VWA2: variants seen among roughly 807,000 people sequenced by gnomAD.
VWA2 encodes von Willebrand factor A domain-containing protein 2.
Under a neutral mutation model 70.4 loss-of-function variants are expected in VWA2, and 73 were observed. The ratio of observed to expected loss-of-function variants is 1.04; its 90% CI spans 0.86 to 1.26. The LOEUF (loss-of-function observed/expected upper bound fraction) is 1.26. Ranked by LOEUF, VWA2 falls within the 50% of genes most tolerant of loss-of-function variation. The pLI is 0.00. For synonymous variants in VWA2, 407 were observed against 423.3 expected, an observed-to-expected ratio of 0.96 and a Z score of 0.47; for missense variants, 1,011 against 998.5, an observed-to-expected ratio of 1.01 and a Z score of -0.17.
chr10:114,278,408 G>A (rs75665088), intron 7 of VWA2, among the ~76,000 whole-genome samples: 4,486 of 152,278 alleles, frequency 0.029, 88 homozygotes, highest in South Asian at 0.14. Context: ...CATTCTAGTC[G>A]TCCTTGTCAG....
chr10:114,274,108 C>A (rs1169871673), intron 6 of VWA2, among the ~76,000 whole-genome samples: 3 of 151,870 alleles, frequency 2.0e-5, no homozygotes, highest in Non-Finnish European at 2.9e-5. Flanking sequence ...GGTAGGCTGG[C>A]GAGTTATAGG....
intron 2 of VWA2, among the ~76,000 whole-genome samples, chr10:114,251,861 G>C (rs1408670230): frequency 7.4e-6 from 1 of 134,972 alleles, no homozygotes; most frequent in Non-Finnish European, 1.5e-5. Context: ...TCTCCCTCTC[G>C]CCCAGGCTGG....
At chr10:114,274,311 A>T (rs1564726392) in intron 6 of VWA2, among the ~76,000 whole-genome samples, 1 of 152,184 alleles carries the variant, frequency 6.6e-6, no homozygotes, top group Non-Finnish European at 1.5e-5. Flanking sequence ...TCTTCAGAGA[A>T]TCACATTGGC....
chr10:114,280,653 G>A (rs2133396195), intron 8 of VWA2: 1 of 152,304 alleles, frequency 6.6e-6, no homozygotes, highest in African/African-American at 2.4e-5. Context: ...TTCTGGGCTA[G>A]GACTTGTGGC....
At position 114,278,720 on chromosome 10, in the gene VWA2, C is replaced by T. The variant is rs768481637; in HGVS notation, c.702C>T (p.Asp234=). The part of the protein sequence containing the change: ...SSAICSSATP[D]CRVEAHPCEH... ...TGTGGGTGTGTGTTGTGGACACAGA[C>T]TGCAGGGTCGAGGCTCACCCCTGTG... Residue 234 remains aspartate (D), a splice_region_variant and synonymous_variant, in exon 8 of 14, where the codon GAC becomes GAT. Coordinates refer to ENST00000392982, the MANE Select transcript of VWA2 (RefSeq NM_001272046.2). 6.2e-7 allele frequency: 1 copy of T among 1,613,976 alleles called. No homozygotes were observed. The highest frequency in any genetic ancestry group is 8.5e-7 in the Non-Finnish European group (1 of 1,180,002).
At chr10:114,266,588 A>G (rs1053294701) in intron 5 of VWA2, among the ~76,000 whole-genome samples, 1 of 152,186 alleles carries the variant, frequency 6.6e-6, no homozygotes. Context: ...AGAAGTTTAA[A>G]AAACATTGCA....
At chr10:114,284,416 C>A (rs1244799755) in intron 9 of VWA2, among the ~76,000 whole-genome samples, 1 of 152,156 alleles carries the variant, frequency 6.6e-6, no homozygotes, top group East Asian at 1.9e-4. Flanking sequence ...GTGGAAGAGG[C>A]CACATTCAGT....
chr10:114,281,830 G>C, intron 8 of VWA2: 1 of 838,414 alleles, frequency 1.2e-6, no homozygotes, highest in Non-Finnish European at 1.4e-6. Flanking sequence ...GGAAAGTGAA[G>C]ACCAGAGGAG....
intron 9 of VWA2, 25 bp downstream of exon 9, chr10:114,282,596 A>G: frequency 6.2e-7 from 1 of 1,605,374 alleles, no homozygotes; most frequent in Non-Finnish European, 8.5e-7. Flanking sequence ...TTGGATTTAC[A>G]GGTTCTTTCA....
intron 5 of VWA2, among the ~76,000 whole-genome samples, chr10:114,262,169 C>G (rs2037457437): frequency 6.6e-6 from 1 of 152,080 alleles, no homozygotes; most frequent in Admixed American, 6.6e-5. Context: ...GACAAACCTC[C>G]AAACAATATC....
At position 114,253,784 on chromosome 10, in the gene VWA2, T is replaced by C. The variant is rs2037259735; in HGVS notation, c.127+59T>C. The C allele has an allele frequency of 5.4e-6, 8 of 1,476,074 alleles. No homozygotes were observed. In the South Asian group the frequency reaches 9.2e-5, roughly 17 times the overall value. The allele number at this position is 1,476,074 out of a possible 1,614,324, so 91.4% of individuals were successfully genotyped here. ...CCACTCAGACCTCTGTGTGATGGAC[T>C]GGATGAGAACCATGTTCTTCCAGAG... is the stretch of plus-strand genomic sequence containing the variant. On this transcript the variant is annotated intron_variant, in intron 3 of 13. Coordinates refer to ENST00000392982, the MANE Select transcript of VWA2 (RefSeq NM_001272046.2).
Position 114,261,311 on chromosome 10 carries a change from T to C in VWA2, c.371+16T>C. The stretch of plus-strand genomic sequence containing the variant: ...TGGTTTTCAAGTATGTATGATCAGA[T>C]ACTGCTGTGGTTAGGGTGACGCCAA... On this transcript the variant is annotated intron_variant, in intron 5 of 13. Coordinates refer to ENST00000392982, the MANE Select transcript of VWA2 (RefSeq NM_001272046.2). The C allele has an allele frequency of 6.2e-7, 1 of 1,604,670 alleles. No individual in the cohort carries two copies. The highest frequency in any genetic ancestry group is 1.1e-5 in the South Asian group (1 of 90,866).
At chr10:114,248,284 C>A (rs1468506928) in intron 1 of VWA2, among the ~76,000 whole-genome samples, 1 of 152,166 alleles carries the variant, frequency 6.6e-6, no homozygotes, top group Non-Finnish European at 1.5e-5. Context: ...AAAATCAGAT[C>A]TTCAGCCTGT....
chr10:114,253,049 T>G (rs1027367103), intron 2 of VWA2, among the ~76,000 whole-genome samples: 1 of 151,160 alleles, frequency 6.6e-6, no homozygotes, highest in African/African-American at 2.4e-5. Context: ...ACCTACCAGG[T>G]GCAGTTGCAG....
intron 5 of VWA2, among the ~76,000 whole-genome samples, chr10:114,264,523 T>C (rs1431720722): frequency 6.6e-6 from 1 of 152,136 alleles, no homozygotes; most frequent in East Asian, 1.9e-4. Flanking sequence ...GTTCACACCA[T>C]TCTCCTGCCT....
At chr10:114,263,584 G>A (rs1208555060) in intron 5 of VWA2, among the ~76,000 whole-genome samples, 5 of 151,804 alleles carry the variant, frequency 3.3e-5, no homozygotes, top group East Asian at 1.9e-4. Context: ...TGATCTGCCC[G>A]CCTTGGCTTC....
intron 8 of VWA2, among the ~76,000 whole-genome samples, chr10:114,279,637 C>T (rs1412938229): frequency 6.6e-6 from 1 of 152,182 alleles, no homozygotes; most frequent in Admixed American, 6.5e-5. Flanking sequence ...AGGTCTCATG[C>T]CACTCTGGGG....
rs113240720 is a variant in VWA2 at position 114,279,759 on chromosome 10, A to G, written c.833+908A>G. 4.1e-3 allele frequency among the ~76,000 whole-genome samples: 626 copies of G among 152,260 alleles called. 2 individuals carry two copies. Among genetic ancestry groups the G allele is most frequent in the African/African-American group, 0.014 (599 of 41,538 alleles). ...TCAGAGCCAGGCAATGTGCAATAAG[A>G]AGACAGTACAGTTGCTGCCCCCAAG... On this transcript the variant is annotated intron_variant, in intron 8 of 13. Transcript: ENST00000392982.
rs142127208 is a variant in VWA2, at chr10:114,271,608, A to AACACACACACACACAC, written c.372-1112_372-1097dup. 5.6e-3 allele frequency among the ~76,000 whole-genome samples: 804 copies of AACACACACACACACAC among 144,770 alleles called. 3 individuals carry two copies. The highest frequency in any genetic ancestry group is 0.015 in the African/African-American group (597 of 39,160). The allele number at this position is 144,770 out of a possible 152,430, so 95.0% of individuals were successfully genotyped here. ...ATGTCAGACTTGCATGAGAAGTAAA[A>AACACACACACACACAC]ACACACACACACACACACACACACA... On this transcript the variant is annotated intron_variant, in intron 5 of 13. Coordinates refer to ENST00000392982, the MANE Select transcript of VWA2 (RefSeq NM_001272046.2).
Sources: allele counts gnomAD v4.1 joint callset (sites outside exome capture counted in the v4.1 genomes callset), GRCh38; gene constraint gnomAD v4.1.1; transcripts MANE v1.5; gene names NCBI Gene and HGNC (gene_info 2026-07-23, HGNC 2026-07-21).